Variants in COL4A5 observed in about 807,000 individuals in gnomAD.
COL4A5 encodes the protein collagen type IV alpha 5 chain.
COL4A5 carries 26 observed loss-of-function variants against 130.2 expected under a neutral mutation model. That is an observed-to-expected ratio of 0.20 (90% CI 0.15 to 0.28). The LOEUF (loss-of-function observed/expected upper bound fraction) is 0.28, where lower values mean the gene tolerates loss of function less well. Ranked by LOEUF, COL4A5 falls within the 10% of genes least tolerant of loss-of-function variation. COL4A5 has a pLI of 1.00. For missense variants in COL4A5, 1,131 were observed against 1,344.3 expected (o/e 0.84, Z 2.48); for synonymous variants, 496 against 439.6 (o/e 1.13, Z -1.60).
At chrX:108,655,796 T>G (rs901874939) in intron 37 of COL4A5, among the ~76,000 whole-genome samples, 1 of 112,553 alleles carries the variant, frequency 8.9e-6, no homozygotes, top group Non-Finnish European at 1.9e-5. Context: ...TGCCTGCAGC[T>G]GATTATCTTA....
intron 1 of COL4A5, among the ~76,000 whole-genome samples, chrX:108,477,869 C>T (rs1159655970): frequency 5.5e-5 from 6 of 109,590 alleles, no homozygotes; most frequent in African/African-American, 2.0e-4. Flanking sequence ...AATTAGTCCC[C>T]ATTTCTGTAG....
intron 36 of COL4A5, among the ~76,000 whole-genome samples, chrX:108,627,944 C>T (rs2067183733): frequency 9.1e-6 from 1 of 110,222 alleles, no homozygotes; most frequent in Non-Finnish European, 1.9e-5. Flanking sequence ...AAATATTTTT[C>T]CCCAATTATT....
At chrX:108,546,455 G>A (rs2065656590) in intron 2 of COL4A5, among the ~76,000 whole-genome samples, 1 of 112,222 alleles carries the variant, frequency 8.9e-6, no homozygotes, top group East Asian at 2.8e-4. Flanking sequence ...CTTCTGGCTT[G>A]TAGAGTTTCT....
chrX:108,618,605 C>A (rs1182410390), intron 30 of COL4A5, among the ~76,000 whole-genome samples: 2 of 111,497 alleles, frequency 1.8e-5, no homozygotes, highest in African/African-American at 6.5e-5. Context: ...AACATCTAAG[C>A]AAATGCCTAA....
chrX:108,574,492 G>T (rs2066113526), intron 9 of COL4A5, among the ~76,000 whole-genome samples: 1 of 111,481 alleles, frequency 9.0e-6, no homozygotes, highest in South Asian at 3.8e-4. Context: ...GAATCAACCT[G>T]TGTCCCCCTT....
chrX:108,644,663 G>A (rs2067537306), intron 36 of COL4A5, among the ~76,000 whole-genome samples: 1 of 111,571 alleles, frequency 9.0e-6, no homozygotes, highest in South Asian at 3.8e-4. Context: ...ACTTTGAGAG[G>A]CCAGTTTGGG....
chrX:108,685,734 G>A (rs897174285), intron 47 of COL4A5, among the ~76,000 whole-genome samples: 3 of 112,223 alleles, frequency 2.7e-5, no homozygotes, highest in African/African-American at 9.7e-5. Context: ...AGTATACCTG[G>A]CAGTAACTTA....
At chrX:108,455,447 G>T (rs557048292) in intron 1 of COL4A5, among the ~76,000 whole-genome samples, 1 of 112,105 alleles carries the variant, frequency 8.9e-6, no homozygotes, top group East Asian at 2.8e-4. Flanking sequence ...GATCTTAGGT[G>T]AACAGCTCAA....
At chrX:108,684,611 A>G (rs1402148197) in intron 47 of COL4A5, among the ~76,000 whole-genome samples, 3 of 112,692 alleles carry the variant, frequency 2.7e-5, no homozygotes, top group African/African-American at 6.4e-5. Context: ...GCAGTAATTA[A>G]TAGCCTACCA....
At chrX:108,522,228 G>A (rs1287754681) in intron 1 of COL4A5, among the ~76,000 whole-genome samples, 1 of 109,668 alleles carries the variant, frequency 9.1e-6, no homozygotes, top group Non-Finnish European at 1.9e-5. Context: ...CATTTAGGTT[G>A]TTTTATACTT....
At chrX:108,561,247 GAATT>G (rs2065894668) in intron 3 of COL4A5, among the ~76,000 whole-genome samples, 1 of 111,579 alleles carries the variant, frequency 9.0e-6, no homozygotes, top group South Asian at 3.8e-4. Flanking sequence ...GGCAATCAAT[GAATT>G]TAGTAAGGTG....
At position 108,625,773 on chromosome X, in the gene COL4A5, A is replaced by G; in HGVS notation, c.3085A>G (p.Ile1029Val). The G allele has an allele frequency of 2.5e-6, 3 of 1,201,047 alleles. No individual in the cohort carries two copies. The highest frequency in any genetic ancestry group is 3.4e-6 in the Non-Finnish European group (3 of 885,803). Residue 1029 changes from isoleucine (I) to valine (V), a missense_variant, in exon 35 of 53, where the codon ATC becomes GTC. Transcript: ENST00000328300. The stretch of plus-strand genomic sequence containing the variant: ...AGGACCTCCTGGACTTAAAGGAACC[A>G]TCGGTGATATGGGTTTTCCAGGTGA... Reference protein sequence around the residue: ...LIGPPGLKGTIGDMGFPGPQG... With the variant: ...LIGPPGLKGTVGDMGFPGPQG...
intron 31 of COL4A5, among the ~76,000 whole-genome samples, chrX:108,620,693 G>T (rs758830520): frequency 8.9e-6 from 1 of 111,833 alleles, no homozygotes; most frequent in South Asian, 3.8e-4. Context: ...AGATTTTGCA[G>T]CTCTAGAATT....
At chrX:108,511,421 T>C (rs2223522) in intron 1 of COL4A5, among the ~76,000 whole-genome samples, 11,848 of 111,559 alleles carry the variant, frequency 0.11, 1,348 homozygotes, top group African/African-American at 0.34. Flanking sequence ...CAGTCTTCCT[T>C]AAAGTCTCAG....
chrX:108,665,400 T>C (rs2068056489), intron 37 of COL4A5, 107 bp from the exon 38 acceptor site: 2 of 537,951 alleles, frequency 3.7e-6, no homozygotes, highest in African/African-American at 4.7e-5. Flanking sequence ...GGGTTTCTTT[T>C]TGTTCTTCAC....
chrX:108,446,849 G>A (rs2064457630), intron 1 of COL4A5, among the ~76,000 whole-genome samples: 1 of 111,824 alleles, frequency 8.9e-6, no homozygotes, highest in Non-Finnish European at 1.9e-5. Flanking sequence ...TGATTCTGAA[G>A]AAAGACTCTC....
At chrX:108,558,550 G>A (rs1371611607) in intron 2 of COL4A5, among the ~76,000 whole-genome samples, 1 of 111,640 alleles carries the variant, frequency 9.0e-6, no homozygotes, top group African/African-American at 3.3e-5. Context: ...GGAATTAATG[G>A]TGGTATTTTC....
chrX:108,439,917 G>C lies in COL4A5; in HGVS notation c.-209G>C. On this transcript the variant is annotated 5_prime_UTR_variant, in exon 1 of 53. Coordinates refer to ENST00000328300, the MANE Select transcript of COL4A5 (RefSeq NM_033380.3). ...AGTTCTCCTGAGAGACCGGCTTTGG[G>C]GAGGGGAGGGGGGAAGGAAGAGTAG... 1 of 431,663 alleles carries C rather than the reference G, an allele frequency of 2.3e-6. No homozygotes were observed. The highest frequency in any genetic ancestry group is 3.5e-5 in the South Asian group (1 of 28,389). 35.6% of individuals were successfully genotyped at this position (431,663 alleles called of 1,213,427 possible). A position where few individuals can be genotyped will look rare whatever the true frequency, so the allele number is the denominator to read the frequency against.
chrX:108,586,568 C>CT, intron 18 of COL4A5, 47 bp from the exon 19 acceptor site: 5 of 1,139,909 alleles, frequency 4.4e-6, no homozygotes, highest in Non-Finnish European at 6.0e-6. Context: ...GAGAACAAGG[C>CT]TTTTCTTCTT....
Sources: allele counts gnomAD v4.1 joint callset (sites outside exome capture counted in the v4.1 genomes callset), GRCh38; gene constraint gnomAD v4.1.1; transcripts MANE v1.5; gene names NCBI Gene and HGNC (gene_info 2026-07-23, HGNC 2026-07-21).